Variants in NLGN1 observed in about 807,000 individuals in gnomAD.
The protein encoded by NLGN1 is neuroligin 1.
Under a neutral mutation model 65.5 loss-of-function variants are expected in NLGN1, and 12 were observed. That is an observed-to-expected ratio of 0.18 (90% CI 0.12 to 0.30). The LOEUF (loss-of-function observed/expected upper bound fraction) is 0.30. Among genes scored for constraint, NLGN1 ranks in the 10% least tolerant of loss-of-function variants. The probability of loss-of-function intolerance (pLI) is 1.00; values close to 1 mark genes in which losing one functional copy is unlikely to be tolerated. For missense variants in NLGN1, 750 were observed against 1,007.1 expected (o/e 0.74, Z 3.46); for synonymous variants, 350 against 359.5 (o/e 0.97, Z 0.30).
intron 4 of NLGN1, among the ~76,000 whole-genome samples, chr3:174,036,585 T>TTG (rs1491203097): frequency 0.015 from 17 of 1,170 alleles, no homozygotes; most frequent in Admixed American, 0.097. Context: ...TTTTTTGTTG[T>TTG]TTTTTTTTTT....
At chr3:174,147,419 C>CT (rs574298501) in intron 4 of NLGN1, among the ~76,000 whole-genome samples, 3,211 of 36,280 alleles carry the variant, frequency 0.089, 1,015 homozygotes, top group Non-Finnish European at 0.12. Flanking sequence ...TGGCTCATGG[C>CT]TTTTTTTTTT....
chr3:174,196,403 A>G (rs1325848189), intron 4 of NLGN1, among the ~76,000 whole-genome samples: 1 of 152,142 alleles, frequency 6.6e-6, no homozygotes, highest in Non-Finnish European at 1.5e-5. Flanking sequence ...TAGATTTTCT[A>G]TTACATTTAT....
chr3:173,587,935 G>A (rs893118982), intron 2 of NLGN1, among the ~76,000 whole-genome samples: 6 of 152,088 alleles, frequency 3.9e-5, no homozygotes, highest in Non-Finnish European at 7.4e-5. Context: ...TACATTAAAT[G>A]TTATTTTACA....
At chr3:174,093,102 G>A (rs915353475) in intron 4 of NLGN1, among the ~76,000 whole-genome samples, 2 of 152,130 alleles carry the variant, frequency 1.3e-5, no homozygotes, top group Admixed American at 6.5e-5. Context: ...TGAAAATGAA[G>A]CTTTAACTTT....
intron 3 of NLGN1, among the ~76,000 whole-genome samples, chr3:173,750,137 G>T (rs1472045865): frequency 6.6e-6 from 1 of 151,884 alleles, no homozygotes; most frequent in Admixed American, 6.6e-5. Context: ...GCCCTGATTC[G>T]CCCTGTACCA....
At chr3:174,163,639 A>T (rs1376154126) in intron 4 of NLGN1, among the ~76,000 whole-genome samples, 2 of 151,934 alleles carry the variant, frequency 1.3e-5, no homozygotes, top group East Asian at 3.9e-4. Flanking sequence ...TATGTCCACA[A>T]GTACCTGATA....
intron 4 of NLGN1, among the ~76,000 whole-genome samples, chr3:174,167,011 T>C (rs1474399305): frequency 1.3e-5 from 2 of 151,890 alleles, no homozygotes; most frequent in African/African-American, 4.8e-5. Flanking sequence ...ACCCCTACTC[T>C]TTTTTGTTTT....
At chr3:173,789,253 A>T (rs1006682306) in intron 3 of NLGN1, among the ~76,000 whole-genome samples, 1 of 152,064 alleles carries the variant, frequency 6.6e-6, no homozygotes, top group Non-Finnish European at 1.5e-5. Context: ...GGAAGGAAAG[A>T]AAGTTAGTTT....
chr3:173,564,169 A>G (rs768928419), intron 2 of NLGN1, among the ~76,000 whole-genome samples: 6 of 152,182 alleles, frequency 3.9e-5, no homozygotes, highest in Non-Finnish European at 8.8e-5. Context: ...ATATTCCTGA[A>G]ATGTTTTTCT....
chr3:173,877,415 T>G (rs1732349358), intron 4 of NLGN1, among the ~76,000 whole-genome samples: 1 of 151,498 alleles, frequency 6.6e-6, no homozygotes, highest in African/African-American at 2.4e-5. Flanking sequence ...TGTCAGAGAC[T>G]GGAAGAGACA....
At chr3:174,186,035 G>T (rs1214014727) in intron 4 of NLGN1, among the ~76,000 whole-genome samples, 1 of 151,984 alleles carries the variant, frequency 6.6e-6, no homozygotes, top group Non-Finnish European at 1.5e-5. Flanking sequence ...TTTACAGGGA[G>T]AGTGAAATGA....
At chr3:173,747,211 T>G (rs1029981602) in intron 3 of NLGN1, among the ~76,000 whole-genome samples, 5 of 137,542 alleles carry the variant, frequency 3.6e-5, no homozygotes, top group African/African-American at 1.4e-4. Context: ...ATATATATCT[T>G]TAAGTATATA....
At chr3:173,552,603 G>T (rs1741052904) in intron 2 of NLGN1, among the ~76,000 whole-genome samples, 1 of 152,072 alleles carries the variant, frequency 6.6e-6, no homozygotes, top group Admixed American at 6.6e-5. Flanking sequence ...GGGTAACAAG[G>T]ACTCTCCACA....
chr3:173,708,361 C>G (rs1768384851), intron 3 of NLGN1, among the ~76,000 whole-genome samples: 3 of 152,162 alleles, frequency 2.0e-5, no homozygotes, highest in Non-Finnish European at 4.4e-5. Flanking sequence ...ATCCCCAGCT[C>G]AGTGCTGCAC....
intron 2 of NLGN1, among the ~76,000 whole-genome samples, chr3:173,469,324 A>G (rs368343094): frequency 1.1e-4 from 16 of 152,186 alleles, no homozygotes; most frequent in Admixed American, 2.0e-4. Flanking sequence ...GGCTTTCACC[A>G]TAAGTAGGCA....
intron 2 of NLGN1, among the ~76,000 whole-genome samples, chr3:173,602,691 G>A (rs977106403): frequency 3.3e-5 from 5 of 152,000 alleles, no homozygotes; most frequent in African/African-American, 7.2e-5. Context: ...ACATGATGAT[G>A]GACTTTTAAG....
rs924183489 is a variant in NLGN1 at position 174,207,928 on chromosome 3, G to C, written c.647-67387G>C. Among the ~76,000 whole-genome samples the C allele has an allele frequency of 2.0e-5, 3 of 152,160 alleles. No homozygotes were observed. The South Asian group carries it at 6.2e-4, about 32-fold the overall frequency. Reference sequence around the variant, plus strand: ...AGAACTGCTTGCCAAGTTCTAATTGGTAAAAAATGCAAACGCTGCATGTAT... The same window carrying C: ...AGAACTGCTTGCCAAGTTCTAATTGCTAAAAAATGCAAACGCTGCATGTAT... On this transcript the variant is annotated intron_variant, in intron 4 of 6. Coordinates refer to ENST00000457714, the Ensembl canonical transcript of NLGN1.
chr3:173,888,163 C>G (rs1734702641), intron 4 of NLGN1, among the ~76,000 whole-genome samples: 1 of 151,914 alleles, frequency 6.6e-6, no homozygotes, highest in African/African-American at 2.4e-5. Flanking sequence ...TCTGGAGCTA[C>G]TAGTCCAAAT....
chr3:174,134,922 A>G (rs1720932684), intron 4 of NLGN1, among the ~76,000 whole-genome samples: 1 of 152,166 alleles, frequency 6.6e-6, no homozygotes, highest in East Asian at 1.9e-4. Flanking sequence ...TTTCTACTGT[A>G]TTCCTGGAGG....
Sources: gnomAD v4.1 joint callset for allele counts (sites outside exome capture counted in the v4.1 genomes callset) on GRCh38, gnomAD v4.1.1 for gene constraint, MANE v1.5 for transcripts, NCBI Gene and HGNC (gene_info 2026-07-23, HGNC 2026-07-21) for gene names.